Variants in PAG1 observed in about 807,000 individuals in gnomAD.
The protein encoded by PAG1 is phosphoprotein associated with glycosphingolipid-enriched microdomains 1.
Under a neutral mutation model 31.7 loss-of-function variants are expected in PAG1, and 23 were observed. The observed-to-expected ratio is 0.73, with a 90% CI of 0.52 to 1.03. PAG1 has a LOEUF of 1.03. Ranked by LOEUF, PAG1 falls within the 50% of genes least tolerant of loss-of-function variation. The pLI is 0.00. For synonymous variants in PAG1, 214 were observed against 210.3 expected, an observed-to-expected ratio of 1.02 and a Z score of -0.15; for missense variants, 473 against 540.7, an observed-to-expected ratio of 0.87 and a Z score of 1.24.
In PAG1 at chr8:81,085,409, C is replaced by T. The variant is rs552614686; in HGVS notation, c.-233-15239G>A. ...CTAAACAGTGAAGTGACAAGTAGCA[C>T]AAAAAATTAAATAACTCAGGCATTA... On this transcript the variant is annotated intron_variant, in intron 1 of 8. Coordinates refer to ENST00000220597, the MANE Select transcript of PAG1 (RefSeq NM_018440.4). 1.2e-4 allele frequency among the ~76,000 whole-genome samples: 18 copies of T among 152,214 alleles called. No individual in the cohort carries two copies. In the South Asian group the frequency reaches 2.7e-3, roughly 23 times the overall value.
chr8:80,996,271 C>A lies in PAG1; in HGVS notation c.-80-2964G>T, dbSNP rs138940084. Among the ~76,000 whole-genome samples the A allele has an allele frequency of 9.0e-3, 1,370 of 152,264 alleles. 55 individuals carry two copies. Among genetic ancestry groups the A allele is most frequent in the Admixed American group, 0.067 (1,031 of 15,292 alleles). Reference sequence around the variant, plus strand: ...CACCTACTCTTCTTTAGGGGCCTGGCAGAGTGTGTGAGTGTTGGTGGTGGG... The same window carrying A: ...CACCTACTCTTCTTTAGGGGCCTGGAAGAGTGTGTGAGTGTTGGTGGTGGG... On this transcript the variant is annotated intron_variant, in intron 3 of 8. Coordinates refer to ENST00000220597, the MANE Select transcript of PAG1 (RefSeq NM_018440.4).
chr8:81,087,493 T>C (rs1230205524), intron 1 of PAG1, among the ~76,000 whole-genome samples: 1 of 152,240 alleles, frequency 6.6e-6, no homozygotes, highest in African/African-American at 2.4e-5. Flanking sequence ...CTTTGCATTG[T>C]GTTAATAACA....
intron 2 of PAG1, among the ~76,000 whole-genome samples, chr8:81,045,036 G>C: frequency 6.6e-6 from 1 of 152,116 alleles, no homozygotes; most frequent in East Asian, 1.9e-4. Context: ...CTCCTATGCT[G>C]CTCCTTGAAA....
chr8:81,090,917 C>T (rs1420742566), intron 1 of PAG1, among the ~76,000 whole-genome samples: 1 of 152,106 alleles, frequency 6.6e-6, no homozygotes, highest in Non-Finnish European at 1.5e-5. Flanking sequence ...TAAAGAATGA[C>T]CTGAGCAGAT....
At chr8:81,094,437 A>G (rs1477794040) in intron 1 of PAG1, among the ~76,000 whole-genome samples, 3 of 152,196 alleles carry the variant, frequency 2.0e-5, no homozygotes, top group African/African-American at 7.2e-5. Context: ...TTGGTTCAAG[A>G]GCCACTTAAG....
intron 1 of PAG1, among the ~76,000 whole-genome samples, chr8:81,074,138 A>G (rs764057257): frequency 1.3e-4 from 20 of 152,198 alleles, no homozygotes; most frequent in Non-Finnish European, 2.8e-4. Context: ...GACAGGACAC[A>G]AGAAGATGAT....
At chr8:81,057,883 T>G (rs959999437) in intron 2 of PAG1, among the ~76,000 whole-genome samples, 35 of 152,210 alleles carry the variant, frequency 2.3e-4, no homozygotes, top group Admixed American at 5.2e-4. Flanking sequence ...TTCCACCATA[T>G]ATATAAATCC....
intron 2 of PAG1, among the ~76,000 whole-genome samples, chr8:81,039,101 C>T (rs1808510579): frequency 6.6e-6 from 1 of 152,064 alleles, no homozygotes; most frequent in African/African-American, 2.4e-5. Flanking sequence ...TAATAAGAGT[C>T]CATGTTCACA....
At chr8:81,078,412 A>G (rs1216178579) in intron 1 of PAG1, among the ~76,000 whole-genome samples, 2 of 151,308 alleles carry the variant, frequency 1.3e-5, no homozygotes, top group Admixed American at 1.3e-4. Context: ...TCATGAACAG[A>G]TGTACTTAGA....
At chr8:81,003,180 G>A (rs150316531) in intron 3 of PAG1, among the ~76,000 whole-genome samples, 84 of 152,290 alleles carry the variant, frequency 5.5e-4, no homozygotes, top group African/African-American at 1.6e-3. Context: ...TGATCGTGAC[G>A]CACTCTGAAG....
chr8:81,083,322 A>G lies in PAG1; in HGVS notation c.-233-13152T>C, dbSNP rs114960055. 3.2e-3 allele frequency among the ~76,000 whole-genome samples: 484 copies of G among 152,238 alleles called. 2 individuals are homozygous for G. Among genetic ancestry groups the G allele is most frequent in the African/African-American group, 0.011 (456 of 41,546 alleles). ...AGGAAAAGGGCTCCTCATTACTGTT[A>G]GGAGTTGGGGAGGGTAGAAACCCAG... On this transcript the variant is annotated intron_variant, in intron 1 of 8. Coordinates refer to ENST00000220597, the MANE Select transcript of PAG1 (RefSeq NM_018440.4).
In PAG1 at chr8:81,057,947, C is replaced by T. The variant is rs984003255; in HGVS notation, c.-175+12165G>A. 2.0e-5 allele frequency among the ~76,000 whole-genome samples: 3 copies of T among 152,034 alleles called. No homozygotes were observed. In the South Asian group the frequency reaches 6.2e-4, roughly 32 times the overall value. On this transcript the variant is annotated intron_variant, in intron 2 of 8. Transcript: ENST00000220597. ...AACAAAAGCAAAAATAACTCCAGTT[C>T]CATTAGTTAAACTCCTTGTCTAGCA...
At chr8:81,107,792 C>G (rs1228212685) in intron 1 of PAG1, among the ~76,000 whole-genome samples, 2 of 152,206 alleles carry the variant, frequency 1.3e-5, no homozygotes, top group Non-Finnish European at 2.9e-5. Flanking sequence ...AATGAGCGAG[C>G]CCTCAGGGGC....
rs1489661938 is a variant in PAG1, at chr8:80,990,129, AC to A, written c.177+1349del. On this transcript the variant is annotated intron_variant, in intron 5 of 8. Coordinates refer to ENST00000220597, the MANE Select transcript of PAG1 (RefSeq NM_018440.4). The surrounding 1 kb of genome is among the most constrained non-coding windows in gnomAD (Gnocchi z 5.1). Reference sequence around the variant, plus strand: ...ATGAGAAGTGGCGACAATGTGGACAACCAGGGATGGGAACAGGGCGAGAAAC... The same window carrying A: ...ATGAGAAGTGGCGACAATGTGGACAACAGGGATGGGAACAGGGCGAGAAAC... Among the ~76,000 whole-genome samples, 1 of 152,030 alleles carries A rather than the reference AC, an allele frequency of 6.6e-6. No individual in the cohort carries two copies. Among genetic ancestry groups the A allele is most frequent in the East Asian group, 1.9e-4 (1 of 5,172 alleles).
intron 2 of PAG1, among the ~76,000 whole-genome samples, chr8:81,056,049 A>T (rs1024039470): frequency 3.0e-4 from 46 of 152,268 alleles, no homozygotes; most frequent in African/African-American, 9.4e-4. Context: ...TTTCAAAGGG[A>T]ATGCTTCTAG....
At position 80,971,359 on chromosome 8, in the gene PAG1, C is replaced by A. The variant is rs1182460333; in HGVS notation, c.*5185G>T. ...TATTTTTATGAGGAAAAAACATTAA[C>A]AATGAAATGCCAATTCCTATTTATA... On this transcript the variant is annotated 3_prime_UTR_variant, in exon 9 of 9. Coordinates refer to ENST00000220597, the MANE Select transcript of PAG1 (RefSeq NM_018440.4). 1 of 152,136 alleles carries A rather than the reference C, an allele frequency of 6.6e-6. No individual in the cohort carries two copies. 9.4% of individuals were successfully genotyped at this position (152,136 alleles called of 1,614,324 possible).
intron 3 of PAG1, among the ~76,000 whole-genome samples, chr8:81,008,327 T>C (rs1807921981): frequency 6.6e-6 from 1 of 152,088 alleles, no homozygotes; most frequent in Non-Finnish European, 1.5e-5. Flanking sequence ...TAGGGGCAAC[T>C]GGCTCACTAG....
intron 3 of PAG1, among the ~76,000 whole-genome samples, chr8:81,024,338 G>A (rs1392864558): frequency 6.6e-6 from 1 of 152,116 alleles, no homozygotes; most frequent in African/African-American, 2.4e-5. Context: ...CAGAACTGAT[G>A]TGAGGATGCA....
At chr8:81,059,272 T>C (rs1808878869) in intron 2 of PAG1, among the ~76,000 whole-genome samples, 1 of 100,444 alleles carries the variant, frequency 1.0e-5, no homozygotes, top group Non-Finnish European at 1.9e-5. Context: ...GAGGCAAACA[T>C]TCTTTTTTTT....
Sources: allele counts gnomAD v4.1 joint callset (sites outside exome capture counted in the v4.1 genomes callset), GRCh38; gene constraint gnomAD v4.1.1; non-coding constraint Gnocchi (gnomAD v3.1); transcripts MANE v1.5; gene names NCBI Gene and HGNC (gene_info 2026-07-23, HGNC 2026-07-21).